MECOM: variants seen among roughly 807,000 people sequenced by gnomAD.
MECOM encodes MDS1 and EVI1 complex locus.
A neutral mutation model predicts 116.3 loss-of-function variants in MECOM; 13 were observed. The observed-to-expected ratio is 0.11, with a 90% CI of 0.07 to 0.18. MECOM has a LOEUF of 0.18. Among genes scored for constraint, MECOM ranks in the 10% least tolerant of loss-of-function variants. The pLI, the probability that MECOM is intolerant of heterozygous loss-of-function variation, is 1.00. For synonymous variants in MECOM, 528 were observed against 535.2 expected (o/e 0.99, Z 0.19); for missense variants, 1,299 against 1,509.0 (o/e 0.86, Z 2.31).
chr3:169,175,672 AT>A (rs1287999830), intron 2 of MECOM, among the ~76,000 whole-genome samples: 1 of 152,196 alleles, frequency 6.6e-6, no homozygotes, highest in East Asian at 1.9e-4. Context: ...TAAGTGGACC[AT>A]TTCTAGAGTT....
At chr3:169,594,161 A>AG (rs1766805553) in intron 1 of MECOM, among the ~76,000 whole-genome samples, 1 of 142,062 alleles carries the variant, frequency 7.0e-6, no homozygotes, top group Non-Finnish European at 1.5e-5. Flanking sequence ...CCACAAAAAA[A>AG]AAAAAAAAAA....
chr3:169,502,325 A>AG (rs1313007848), intron 1 of MECOM, among the ~76,000 whole-genome samples: 1 of 152,146 alleles, frequency 6.6e-6, no homozygotes. Context: ...TTTCAGTGGC[A>AG]GAATCCATAT....
intron 2 of MECOM, among the ~76,000 whole-genome samples, chr3:169,307,274 G>A (rs1447107963): frequency 6.6e-6 from 1 of 151,974 alleles, no homozygotes; most frequent in Admixed American, 6.6e-5. Flanking sequence ...CCCTAGAATT[G>A]CCCCCTTCAA....
At chr3:169,582,374 G>A (rs527516049) in intron 1 of MECOM, among the ~76,000 whole-genome samples, 30 of 152,074 alleles carry the variant, frequency 2.0e-4, no homozygotes, top group Non-Finnish European at 3.7e-4. Flanking sequence ...ACATGGATTG[G>A]GGTCCAAAAA....
chr3:169,115,394 G>C lies in MECOM; in HGVS notation c.2478C>G (p.Asp826Glu). The change falls in exon 8 of 17, where the codon GAC (aspartate) becomes GAG (glutamate). Residue 826 changes from aspartate to glutamate, a missense_variant. Physicochemically the swap from Asp to Glu is conservative, Grantham distance 45. Around this residue, in one of 6 missense-constraint regions of MECOM, gnomAD observed 340 missense variants for 312.6 expected, o/e 1.09. Coordinates refer to ENST00000651503, the MANE Select transcript of MECOM (RefSeq NM_004991.4). The stretch of plus-strand genomic sequence containing the variant: ...CCATACACGCTTACCTGTAAATAGG[G>C]TCCATAAAGAAAGGAGTGGGTCTTG... ...QHARPTPFFM[D>E]PIYRVEKRKL... is the part of the protein sequence containing the mutation. The C allele has an allele frequency of 6.2e-7, 1 of 1,613,794 alleles. No individual in the cohort carries two copies. The highest frequency in any genetic ancestry group is 8.5e-7 in the Non-Finnish European group (1 of 1,179,876).
intron 2 of MECOM, among the ~76,000 whole-genome samples, chr3:169,251,527 T>C (rs941646882): frequency 2.6e-5 from 4 of 152,148 alleles, no homozygotes; most frequent in African/African-American, 9.7e-5. Context: ...AGACAGGCTT[T>C]TTCTCTCTTT....
At chr3:169,310,091 A>G (rs1016852788) in intron 2 of MECOM, among the ~76,000 whole-genome samples, 1 of 152,176 alleles carries the variant, frequency 6.6e-6, no homozygotes, top group Non-Finnish European at 1.5e-5. Flanking sequence ...GTAACTACTA[A>G]AAGTAACCAA....
chr3:169,482,723 G>T (rs892270228), intron 1 of MECOM, among the ~76,000 whole-genome samples: 2 of 152,126 alleles, frequency 1.3e-5, no homozygotes, highest in African/African-American at 2.4e-5. Flanking sequence ...CCATCAGCTG[G>T]ACTGAAGAAA....
intron 2 of MECOM, among the ~76,000 whole-genome samples, chr3:169,154,173 C>G (rs1403829950): frequency 6.6e-6 from 1 of 152,012 alleles, no homozygotes; most frequent in Non-Finnish European, 1.5e-5. Flanking sequence ...AGAGAGTATT[C>G]TGCAGCAAAG....
intron 8 of MECOM, among the ~76,000 whole-genome samples, chr3:169,114,459 T>C (rs1728475292): frequency 6.6e-6 from 1 of 152,188 alleles, no homozygotes; most frequent in Non-Finnish European, 1.5e-5. Context: ...ATGAACTTGA[T>C]AAATATTGTT....
intron 1 of MECOM, among the ~76,000 whole-genome samples, chr3:169,551,710 C>T (rs1333482076): frequency 6.6e-6 from 1 of 152,214 alleles, no homozygotes; most frequent in Admixed American, 6.5e-5. Flanking sequence ...GCTAGGTCCA[C>T]AGCTAGCAGA....
chr3:169,219,244 C>G (rs1451391411), intron 2 of MECOM, among the ~76,000 whole-genome samples: 1 of 152,078 alleles, frequency 6.6e-6, no homozygotes, highest in Non-Finnish European at 1.5e-5. Context: ...CGGTGGCTCA[C>G]GCCTGTAATC....
At chr3:169,331,469 TAA>T (rs992432056) in intron 2 of MECOM, among the ~76,000 whole-genome samples, 1 of 152,042 alleles carries the variant, frequency 6.6e-6, no homozygotes, top group Non-Finnish European at 1.5e-5. Flanking sequence ...GAAAAAGCAA[TAA>T]AGAGGATTTA....
chr3:169,211,001 G>A (rs1750654320), intron 2 of MECOM, among the ~76,000 whole-genome samples: 1 of 152,088 alleles, frequency 6.6e-6, no homozygotes, highest in Non-Finnish European at 1.5e-5. Flanking sequence ...ATATCAAAGG[G>A]ATTTATTCTT....
At chr3:169,472,557 A>AGAGAGGAGAG (rs1249126506) in intron 1 of MECOM, among the ~76,000 whole-genome samples, 5 of 63,262 alleles carry the variant, frequency 7.9e-5, no homozygotes, top group East Asian at 4.1e-4. Flanking sequence ...GGAAAAGAAA[A>AGAGAGGAGAG]GAGAGGAGAG....
chr3:169,092,734 C>A (rs186263170), intron 14 of MECOM, among the ~76,000 whole-genome samples: 1 of 152,076 alleles, frequency 6.6e-6, no homozygotes, highest in East Asian at 1.9e-4. Flanking sequence ...TCCTTCACTG[C>A]TAAAATTATA....
intron 2 of MECOM, among the ~76,000 whole-genome samples, chr3:169,231,949 G>A (rs1753454240): frequency 6.6e-6 from 1 of 152,098 alleles, no homozygotes; most frequent in Admixed American, 6.6e-5. Flanking sequence ...TTAGTCCTGA[G>A]TCTTTTCAGC....
At chr3:169,458,851 G>A (rs1246166003) in intron 1 of MECOM, among the ~76,000 whole-genome samples, 1 of 152,180 alleles carries the variant, frequency 6.6e-6, no homozygotes, top group East Asian at 1.9e-4. Context: ...GTAGAGCAGA[G>A]GCACTTCCTA....
At chr3:169,527,081 G>A (rs78853582) in intron 1 of MECOM, among the ~76,000 whole-genome samples, 3,874 of 152,240 alleles carry the variant, frequency 0.025, 157 homozygotes, top group African/African-American at 0.09. Context: ...ACACTTAAAA[G>A]TGAAGCAATG....
Sources: allele counts gnomAD v4.1 joint callset (sites outside exome capture counted in the v4.1 genomes callset), GRCh38; gene constraint gnomAD v4.1.1; regional missense constraint gnomAD v4.1.1; transcripts MANE v1.5; gene names NCBI Gene and HGNC (gene_info 2026-07-23, HGNC 2026-07-21).